PKD1L1: variants seen among roughly 807,000 people sequenced by gnomAD.
PKD1L1 encodes polycystin-1-like protein 1.
In PKD1L1, 236 loss-of-function variants were observed where a neutral mutation model predicts 323.4. That is an observed-to-expected ratio of 0.73 (90% CI 0.66 to 0.81). The LOEUF (loss-of-function observed/expected upper bound fraction) is 0.81. Among genes scored for constraint, PKD1L1 ranks in the 40% least tolerant of loss-of-function variants. The pLI is 0.00. For synonymous variants in PKD1L1, 1,344 were observed against 1,335.0 expected (o/e 1.01, Z -0.15); for missense variants, 3,320 against 3,508.0 (o/e 0.95, Z 1.35).
intron 41 of PKD1L1, 114 bp from the exon 42 acceptor site, chr7:47,831,466 G>C: frequency 4.4e-6 from 6 of 1,360,558 alleles, no homozygotes; most frequent in South Asian, 1.6e-5. Context: ...AGGGTGCCCA[G>C]GCATTTGGTT....
intron 1 of PKD1L1, among the ~76,000 whole-genome samples, chr7:47,947,794 C>T (rs923481156): frequency 3.9e-5 from 6 of 152,260 alleles, no homozygotes; most frequent in Middle Eastern, 3.4e-3. Context: ...AGTGAAACCC[C>T]GTCTCTACTA....
In PKD1L1 at chr7:47,803,238, T is replaced by C. The variant is rs764245777; in HGVS notation, c.7934A>G (p.His2645Arg). The C allele has an allele frequency of 1.2e-6, 2 of 1,613,926 alleles. No individual in the cohort carries two copies. The highest frequency in any genetic ancestry group is 1.1e-5 in the South Asian group (1 of 91,076). The change falls in exon 53 of 57, where the codon CAC (histidine) becomes CGC (arginine). Residue 2645 changes from histidine (H) to arginine (R), a missense_variant. Transcript: ENST00000289672. The stretch of plus-strand genomic sequence containing the variant: ...TGCTACAAAGATGCTGGGGAGTGAG[T>C]GGCGCATCATGGAGGAGCAGGATGC... ...TMASCSSMMRHSLPSIFVAGL... is the reference protein window; with the variant it reads ...TMASCSSMMRRSLPSIFVAGL...
intron 10 of PKD1L1, 49 bp downstream of exon 10, chr7:47,905,794 C>T: frequency 6.2e-7 from 1 of 1,604,260 alleles, no homozygotes; most frequent in Non-Finnish European, 8.5e-7. Context: ...TCTCAGCTGA[C>T]TGCGCGAGGG....
At chr7:47,853,550 C>T (rs1785827950) in intron 30 of PKD1L1, among the ~76,000 whole-genome samples, 1 of 152,074 alleles carries the variant, frequency 6.6e-6, no homozygotes, top group Non-Finnish European at 1.5e-5. Flanking sequence ...TGAGACCAGC[C>T]TGACCAACAT....
the PKD1L1 span, among the ~76,000 whole-genome samples, chr7:47,959,551 G>A: frequency 3.6e-5 from 5 of 138,702 alleles, no homozygotes; most frequent in African/African-American, 8.0e-5. Flanking sequence ...CTGCCCAGCC[G>A]CCCCGTCTGA....
intron 33 of PKD1L1, 131 bp from the exon 34 acceptor site, chr7:47,843,300 G>A (rs1233628406): frequency 1.4e-6 from 1 of 714,742 alleles, no homozygotes; most frequent in East Asian, 2.7e-5. Flanking sequence ...TTTTACACTT[G>A]CTGGAAGCTG....
chr7:47,874,416 G>A (rs147934225), intron 23 of PKD1L1, among the ~76,000 whole-genome samples: 10 of 152,298 alleles, frequency 6.6e-5, no homozygotes, highest in East Asian at 5.8e-4. Context: ...CACAGGCACC[G>A]TCATAGGAAC....
chr7:47,881,951 C>A lies in PKD1L1; in HGVS notation c.3400G>T (p.Ala1134Ser). Residue 1134 changes from alanine (A) to serine (S), a missense_variant, in exon 20 of 57, where the codon GCC becomes TCC. Coordinates refer to ENST00000289672, the MANE Select transcript of PKD1L1 (RefSeq NM_138295.5). The part of the protein sequence containing the change: ...EPVLMIDWPK[A>S]LLGRAVFQGY... ...TGGAAAACTGCTCGACCCAGCAGGG[C>A]CTTGGGCCAGTCAATCATGAGGACA... The A allele has an allele frequency of 6.2e-7, 1 of 1,613,484 alleles. No individual in the cohort carries two copies. Among genetic ancestry groups the A allele is most frequent in the Non-Finnish European group, 8.5e-7 (1 of 1,179,804 alleles).
At chr7:47,957,860 A>ATATAGATATATATATATAT in the PKD1L1 span, among the ~76,000 whole-genome samples, 1 of 124,134 alleles carries the variant, frequency 8.1e-6, no homozygotes, top group Admixed American at 8.5e-5. Context: ...CAATTAAAAA[A>ATATAGATATATATATATAT]AAATATATAT....
At chr7:47,861,900 A>AAAAG in intron 26 of PKD1L1, among the ~76,000 whole-genome samples, 1 of 147,698 alleles carries the variant, frequency 6.8e-6, no homozygotes, top group Non-Finnish European at 1.5e-5. Context: ...AAAAAAAAAA[A>AAAAG]AAAAAACAAT....
Position 47,840,336 on chromosome 7 carries a change from A to G in PKD1L1, c.5552+125T>C, listed in dbSNP as rs1021036383. On this transcript the variant is annotated intron_variant, in intron 35 of 56. Coordinates refer to ENST00000289672, the MANE Select transcript of PKD1L1 (RefSeq NM_138295.5). The surrounding 1 kb of genome is among the most constrained non-coding windows in gnomAD (Gnocchi z 4.1). The stretch of plus-strand genomic sequence containing the variant: ...AAATACATCATAAAATTGTTTGTAT[A>G]TAAATCGATGCTCACTATTAGAGAC... 1.6e-6 allele frequency: 1 copy of G among 632,216 alleles called. No individual in the cohort carries two copies. Among genetic ancestry groups the G allele is most frequent in the Non-Finnish European group, 2.8e-6 (1 of 358,766 alleles). The allele number at this position is 632,216 out of a possible 1,614,324, so 39.2% of individuals were successfully genotyped here. A position where few individuals can be genotyped will look rare whatever the true frequency, so the allele number is the denominator to read the frequency against.
chr7:47,918,965 G>GA (rs1371238966), intron 7 of PKD1L1, among the ~76,000 whole-genome samples: 1 of 151,912 alleles, frequency 6.6e-6, no homozygotes, highest in Non-Finnish European at 1.5e-5. Flanking sequence ...AGGAACTAGA[G>GA]AAACAAGAAC....
At chr7:47,903,628 G>T (rs1787138555) in intron 12 of PKD1L1, among the ~76,000 whole-genome samples, 1 of 152,130 alleles carries the variant, frequency 6.6e-6, no homozygotes, top group Non-Finnish European at 1.5e-5. Flanking sequence ...GAGGAAGTTT[G>T]CAATCTTTCC....
intron 7 of PKD1L1, among the ~76,000 whole-genome samples, chr7:47,920,324 TA>T (rs1787511390): frequency 7.0e-6 from 1 of 142,778 alleles, no homozygotes; most frequent in African/African-American, 2.6e-5. Context: ...CTTAGGAATA[TA>T]CCTAACCAAG....
At chr7:47,797,897 T>G (rs955798487) in intron 54 of PKD1L1, among the ~76,000 whole-genome samples, 7 of 152,192 alleles carry the variant, frequency 4.6e-5, no homozygotes, top group African/African-American at 7.2e-5. Context: ...TTGTGTAGGA[T>G]CTGTATGCTG....
intron 52 of PKD1L1, among the ~76,000 whole-genome samples, chr7:47,805,724 G>T (rs1443156100): frequency 6.6e-6 from 1 of 152,166 alleles, no homozygotes; most frequent in African/African-American, 2.4e-5. Flanking sequence ...CTGTGCTTAG[G>T]AATGCAGTTA....
At chr7:47,783,245 A>T (rs1293151520) in intron 56 of PKD1L1, among the ~76,000 whole-genome samples, 1 of 152,234 alleles carries the variant, frequency 6.6e-6, no homozygotes, top group African/African-American at 2.4e-5. Context: ...AAATACTCAG[A>T]TAATCTACTT....
chr7:47,783,580 C>T (rs1344168866), intron 56 of PKD1L1, among the ~76,000 whole-genome samples: 1 of 152,120 alleles, frequency 6.6e-6, no homozygotes, highest in African/African-American at 2.4e-5. Context: ...TAATTAGGGT[C>T]GGTCCTAATC....
In PKD1L1 at chr7:47,827,423, G is replaced by C; in HGVS notation, c.6781C>G (p.Pro2261Ala). The C allele has an allele frequency of 6.2e-7, 1 of 1,613,132 alleles. No individual in the cohort carries two copies. Among genetic ancestry groups the C allele is most frequent in the Non-Finnish European group, 8.5e-7 (1 of 1,179,894 alleles). ...QQARHLRWAH[P>A]PSKAQLRGTR... is the part of the protein sequence containing the mutation. ...CCCCTCAGCTGGGCCTTGGATGGTG[G>C]ATGCGCCCAGCGCAGGTGGCGAGCT... The change falls in exon 45 of 57, where the codon CCA (proline) becomes GCA (alanine). Residue 2261 changes from proline (P) to alanine (A), a missense_variant. Transcript: ENST00000289672.
Sources: gnomAD v4.1 joint callset for allele counts (sites outside exome capture counted in the v4.1 genomes callset) on GRCh38, gnomAD v4.1.1 for gene constraint, Gnocchi (gnomAD v3.1) non-coding constraint, MANE v1.5 for transcripts, NCBI Gene and HGNC (gene_info 2026-07-23, HGNC 2026-07-21) for gene names.